PCDH15: variants seen among roughly 807,000 people sequenced by gnomAD.
PCDH15 encodes the protein protocadherin-15.
Under a neutral mutation model 178.5 loss-of-function variants are expected in PCDH15, and 129 were observed. That is an observed-to-expected ratio of 0.72 (90% CI 0.63 to 0.84). The LOEUF (loss-of-function observed/expected upper bound fraction) is 0.84. Among genes scored for constraint, PCDH15 ranks in the 40% least tolerant of loss-of-function variants. The pLI is 0.00. For missense variants in PCDH15, 2,230 were observed against 2,099.9 expected, an observed-to-expected ratio of 1.06 and a Z score of -1.21; for synonymous variants, 800 against 732.0, an observed-to-expected ratio of 1.09 and a Z score of -1.50.
intron 2 of PCDH15, among the ~76,000 whole-genome samples, chr10:55,454,980 G>A (rs1839519090): frequency 6.6e-6 from 1 of 151,920 alleles, no homozygotes; most frequent in African/African-American, 2.4e-5. Context: ...TGTATACAAT[G>A]TATATATGCA....
intron 8 of PCDH15, among the ~76,000 whole-genome samples, chr10:54,298,613 G>T (rs1383156304): frequency 6.6e-6 from 1 of 152,192 alleles, no homozygotes; most frequent in Non-Finnish European, 1.5e-5. Flanking sequence ...GCCCCAGAGG[G>T]CAAAGGTTCT....
intron 1 of PCDH15, among the ~76,000 whole-genome samples, chr10:55,195,653 TAAA>T (rs5785123): frequency 1.0e-4 from 12 of 118,116 alleles, no homozygotes; most frequent in Admixed American, 3.5e-4. Flanking sequence ...AAACTCCATC[TAAA>T]AAAAAAAAAA....
intron 1 of PCDH15, among the ~76,000 whole-genome samples, chr10:55,312,223 T>G (rs1438226885): frequency 6.6e-6 from 1 of 152,198 alleles, no homozygotes; most frequent in African/African-American, 2.4e-5. Flanking sequence ...AACTTTACTC[T>G]GTCAGTTAGC....
At chr10:54,643,506 TGAAAG>T (rs1355560642) in intron 2 of PCDH15, among the ~76,000 whole-genome samples, 2 of 152,300 alleles carry the variant, frequency 1.3e-5, no homozygotes, top group East Asian at 3.9e-4. Flanking sequence ...TATAGTACTG[TGAAAG>T]GAGAGTCTAT....
chr10:55,322,922 G>A (rs1196071720), upstream of PCDH15, among the ~76,000 whole-genome samples: 1 of 152,116 alleles, frequency 6.6e-6, no homozygotes, highest in Non-Finnish European at 1.5e-5. Flanking sequence ...CTTCAAGGCA[G>A]CCCCTGCCAT....
intron 2 of PCDH15, among the ~76,000 whole-genome samples, chr10:55,028,878 A>G (rs1439785133): frequency 1.3e-5 from 2 of 152,058 alleles, no homozygotes; most frequent in Admixed American, 1.3e-4. Flanking sequence ...ATATTTGACA[A>G]CATTGTTAAA....
chr10:55,182,002 TG>T (rs2132135479), intron 1 of PCDH15, among the ~76,000 whole-genome samples: 1 of 152,078 alleles, frequency 6.6e-6, no homozygotes, highest in South Asian at 2.1e-4. Flanking sequence ...TTTTGGTGAT[TG>T]AGGAGAAGAT....
intron 2 of PCDH15, among the ~76,000 whole-genome samples, chr10:55,066,225 T>C (rs963801900): frequency 2.0e-5 from 3 of 151,576 alleles, no homozygotes; most frequent in African/African-American, 2.4e-5. Flanking sequence ...TTCACCAGGA[T>C]AAATGTGTGT....
At chr10:54,462,305 T>C (rs201056030) in intron 3 of PCDH15, among the ~76,000 whole-genome samples, 91 of 141,094 alleles carry the variant, frequency 6.4e-4, no homozygotes, top group Admixed American at 3.3e-3. Flanking sequence ...CACACATATA[T>C]ATATATATAA....
chr10:54,498,186 A>C (rs188999617), intron 3 of PCDH15, among the ~76,000 whole-genome samples: 1 of 152,290 alleles, frequency 6.6e-6, no homozygotes, highest in Non-Finnish European at 1.5e-5. Context: ...TCCATCTAAA[A>C]ATTTCATATC....
In PCDH15 at chr10:53,869,444, GC is replaced by G. The variant is rs780246827; in HGVS notation, c.3502-2588del. ...TTCCACATAGAATGAGCAAATTTGG[GC>G]CTAATGTCAGATCAGTCAGATTTGG... On this transcript the variant is annotated intron_variant, in intron 26 of 37. Coordinates refer to ENST00000644397, the MANE Select transcript of PCDH15 (RefSeq NM_001384140.1). 5.3e-5 allele frequency among the ~76,000 whole-genome samples: 8 copies of G among 152,148 alleles called. No individual in the cohort carries two copies. In the East Asian group the frequency reaches 1.5e-3, roughly 29 times the overall value.
chr10:53,852,499 A>T (rs543518049), intron 28 of PCDH15, among the ~76,000 whole-genome samples: 2 of 151,994 alleles, frequency 1.3e-5, no homozygotes, highest in African/African-American at 4.8e-5. Context: ...GTAGTAAAAA[A>T]TTTTCAGTAT....
chr10:54,118,692 AT>A (rs1273473914), intron 15 of PCDH15, among the ~76,000 whole-genome samples: 2 of 152,016 alleles, frequency 1.3e-5, no homozygotes, highest in Non-Finnish European at 2.9e-5. Flanking sequence ...ATTAAAAAAA[AT>A]AAATTAACCC....
At chr10:54,427,268 GGTTT>G (rs1956385040) in intron 3 of PCDH15, among the ~76,000 whole-genome samples, 1 of 100,290 alleles carries the variant, frequency 1.0e-5, no homozygotes, top group African/African-American at 4.5e-5. Flanking sequence ...CTCTTTTTCT[GGTTT>G]TTTTTTTTTT....
chr10:55,395,214 A>C (rs1360504456), intron 2 of PCDH15, among the ~76,000 whole-genome samples: 1 of 149,980 alleles, frequency 6.7e-6, no homozygotes, highest in Non-Finnish European at 1.5e-5. Context: ...AGAGAGAGAG[A>C]GAGAGAGAGA....
At chr10:54,537,432 C>A (rs1313205549) in intron 2 of PCDH15, among the ~76,000 whole-genome samples, 1 of 152,166 alleles carries the variant, frequency 6.6e-6, no homozygotes, top group Non-Finnish European at 1.5e-5. Flanking sequence ...ACAATACCAG[C>A]ATCACCCTGA....
intron 3 of PCDH15, among the ~76,000 whole-genome samples, chr10:54,425,849 T>C (rs1956212477): frequency 6.6e-6 from 1 of 152,178 alleles, no homozygotes; most frequent in African/African-American, 2.4e-5. Context: ...AATTTTGATT[T>C]AGAAAATGAA....
At chr10:54,651,724 T>C (rs189212192) in intron 2 of PCDH15, among the ~76,000 whole-genome samples, 48 of 152,194 alleles carry the variant, frequency 3.2e-4, no homozygotes, top group Non-Finnish European at 5.6e-4. Flanking sequence ...AGCGAGAAAA[T>C]GAAGAATTTC....
intron 25 of PCDH15, among the ~76,000 whole-genome samples, chr10:53,918,300 C>T (rs2083698358): frequency 6.6e-6 from 1 of 152,118 alleles, no homozygotes; most frequent in African/African-American, 2.4e-5. Context: ...GAAACTGAGA[C>T]TCAAGGAGAT....
Sources: gnomAD v4.1 joint callset for allele counts (sites outside exome capture counted in the v4.1 genomes callset) on GRCh38, gnomAD v4.1.1 for gene constraint, MANE v1.5 for transcripts, NCBI Gene and HGNC (gene_info 2026-07-23, HGNC 2026-07-21) for gene names.